The following KLF8 variants were observed in gnomAD, a reference collection of about 807,000 sequenced individuals.
KLF8 encodes the protein KLF transcription factor 8.
Under a neutral mutation model 18.2 loss-of-function variants are expected in KLF8, and 10 were observed. The ratio of observed to expected loss-of-function variants is 0.55; its 90% CI spans 0.34 to 0.93. The LOEUF is 0.93. KLF8 is among the 40% of genes least tolerant of loss of function. KLF8 has a pLI of 0.02. For missense variants in KLF8, 264 were observed against 277.9 expected (o/e 0.95, Z 0.36); for synonymous variants, 109 against 97.3 (o/e 1.12, Z -0.71).
At chrX:56,093,945 GTGTGT>G in the KLF8 span, among the ~76,000 whole-genome samples, 6 of 104,730 alleles carry the variant, frequency 5.7e-5, no homozygotes, top group African/African-American at 2.2e-4. Flanking sequence ...GTGTGTGTGT[GTGTGT>G]ATGAGAGAGA....
At chrX:55,937,537 G>A in the KLF8 span, among the ~76,000 whole-genome samples, 2 of 112,405 alleles carry the variant, frequency 1.8e-5, no homozygotes, top group African/African-American at 3.2e-5. Flanking sequence ...TGACTTTGAC[G>A]AGTTGAGAGA....
chrX:56,113,302 A>T, the KLF8 span, among the ~76,000 whole-genome samples: 2 of 106,564 alleles, frequency 1.9e-5, no homozygotes, highest in African/African-American at 3.4e-5. Context: ...CCATACTTTC[A>T]TGGTTTTTTT....
At chrX:55,942,640 A>G in the KLF8 span, among the ~76,000 whole-genome samples, 1 of 111,977 alleles carries the variant, frequency 8.9e-6, no homozygotes, top group East Asian at 2.8e-4. Context: ...ACTAGAACGT[A>G]TATGTAATGA....
chrX:56,155,693 G>A, the KLF8 span, among the ~76,000 whole-genome samples: 1 of 111,467 alleles, frequency 9.0e-6, no homozygotes, highest in Admixed American at 9.6e-5. Context: ...GTTACAGGAT[G>A]TACATTATAG....
the KLF8 span, among the ~76,000 whole-genome samples, chrX:56,096,218 T>C: frequency 3.1e-4 from 35 of 111,504 alleles, no homozygotes; most frequent in Admixed American, 1.9e-3. Context: ...CTACGTATTC[T>C]CACTTATAAG....
the KLF8 span, among the ~76,000 whole-genome samples, chrX:56,012,361 C>T: frequency 1.8e-5 from 2 of 111,826 alleles, no homozygotes; most frequent in Non-Finnish European, 3.8e-5. Flanking sequence ...ATTAACTCAA[C>T]AGACGCAGAA....
the KLF8 span, among the ~76,000 whole-genome samples, chrX:56,162,288 C>T: frequency 8.9e-6 from 1 of 112,150 alleles, no homozygotes; most frequent in Admixed American, 9.5e-5. Flanking sequence ...CCTCTACTGT[C>T]TTCAAAGCTG....
the KLF8 span, among the ~76,000 whole-genome samples, chrX:55,974,317 C>T: frequency 9.1e-6 from 1 of 110,403 alleles, no homozygotes; most frequent in African/African-American, 3.3e-5. Flanking sequence ...ACCTCCAAAC[C>T]TAAAATAAAA....
intron 5 of KLF8, among the ~76,000 whole-genome samples, chrX:56,277,756 G>A (rs1309203447): frequency 8.9e-6 from 1 of 112,493 alleles, no homozygotes; most frequent in African/African-American, 3.2e-5. Flanking sequence ...GTTCTCCTAG[G>A]CCCTTGGTAG....
At chrX:56,031,045 C>G in the KLF8 span, among the ~76,000 whole-genome samples, 1 of 110,844 alleles carries the variant, frequency 9.0e-6, no homozygotes, top group African/African-American at 3.3e-5. Context: ...CAACCTACCT[C>G]TAATTCTGGC....
chrX:56,062,154 C>T, the KLF8 span, among the ~76,000 whole-genome samples: 1 of 109,047 alleles, frequency 9.2e-6, no homozygotes, highest in Admixed American at 9.8e-5. Context: ...GGCATTCAGC[C>T]CGTTTACTTT....
chrX:55,993,971 T>C, the KLF8 span, among the ~76,000 whole-genome samples: 1 of 105,028 alleles, frequency 9.5e-6, no homozygotes, highest in East Asian at 3.0e-4. Context: ...AGTGCAGTGG[T>C]GCGATCTCAG....
the KLF8 span, among the ~76,000 whole-genome samples, chrX:56,167,582 G>C: frequency 8.9e-6 from 1 of 112,080 alleles, no homozygotes. Context: ...GAAACCCCCT[G>C]AGAGTGAAAT....
At chrX:56,034,914 C>G in the KLF8 span, among the ~76,000 whole-genome samples, 2 of 106,365 alleles carry the variant, frequency 1.9e-5, no homozygotes, top group Admixed American at 1.0e-4. Context: ...CGCTACCACG[C>G]CCGGCTAATT....
At chrX:55,939,580 T>C in the KLF8 span, among the ~76,000 whole-genome samples, 1 of 111,065 alleles carries the variant, frequency 9.0e-6, no homozygotes, top group African/African-American at 3.3e-5. Flanking sequence ...AATCAATGAA[T>C]CCAGGAGGTG....
the KLF8 span, among the ~76,000 whole-genome samples, chrX:55,991,405 G>A: frequency 1.5e-4 from 17 of 111,857 alleles, no homozygotes; most frequent in East Asian, 2.8e-4. Context: ...ATCTGTCACC[G>A]CTTTCTTTGA....
intron 5 of KLF8, among the ~76,000 whole-genome samples, chrX:56,274,320 T>C (rs761855954): frequency 6.2e-5 from 7 of 112,398 alleles, no homozygotes; most frequent in African/African-American, 1.9e-4. Flanking sequence ...TTTTGATAAA[T>C]GTCTTTTCAG....
At chrX:56,053,685 C>T in the KLF8 span, among the ~76,000 whole-genome samples, 1 of 108,886 alleles carries the variant, frequency 9.2e-6, no homozygotes, top group African/African-American at 3.3e-5. Flanking sequence ...ACTTTTGGTG[C>T]TCATTATTGG....
At chrX:55,937,575 C>T in the KLF8 span, among the ~76,000 whole-genome samples, 11 of 111,820 alleles carry the variant, frequency 9.8e-5, no homozygotes, top group East Asian at 2.8e-4. Flanking sequence ...CAAACTACTC[C>T]GAGCTAAAGG....
Sources: allele counts gnomAD v4.1 joint callset (sites outside exome capture counted in the v4.1 genomes callset), GRCh38; gene constraint gnomAD v4.1.1; transcripts MANE v1.5; gene names NCBI Gene and HGNC (gene_info 2026-07-23, HGNC 2026-07-21).